Variants in TTC5 observed in about 807,000 individuals in gnomAD.
TTC5 encodes the protein tetratricopeptide repeat protein 5.
In TTC5, 46 loss-of-function variants were observed where a neutral mutation model predicts 57.4. That is an observed-to-expected ratio of 0.80 (90% CI 0.63 to 1.03). The LOEUF (loss-of-function observed/expected upper bound fraction) is 1.03, where lower values mean the gene tolerates loss of function less well. Among genes scored for constraint, TTC5 ranks in the 50% least tolerant of loss-of-function variants. TTC5 has a pLI of 0.00. For missense variants in TTC5, 504 were observed against 528.1 expected (o/e 0.95, Z 0.45); for synonymous variants, 190 against 203.5 (o/e 0.93, Z 0.57).
At chr14:20,299,590 G>A (rs1882140099) in intron 3 of TTC5, 142 bp from the exon 4 acceptor site, 1 of 911,578 alleles carries the variant, frequency 1.1e-6, no homozygotes, top group Non-Finnish European at 1.7e-6. Context: ...GTCTTGCTCT[G>A]TCACCCAGGC....
chr14:20,299,430 A>C lies in TTC5; in HGVS notation c.415T>G (p.Leu139Val), dbSNP rs1411113601. 11 of 1,613,986 alleles carry C rather than the reference A, an allele frequency of 6.8e-6. No homozygotes were observed. The highest frequency in any genetic ancestry group is 9.3e-6 in the Non-Finnish European group (11 of 1,180,026). The change falls in exon 4 of 10, where the codon TTG (leucine) becomes GTG (valine). Residue 139 changes from leucine (L) to valine (V), a missense_variant. Leu to Val is a conservative substitution (Grantham distance 32). Transcript: ENST00000258821. ...ALTHCRNKVS[L>V]QNLSMVLRQL... ...CGAAGCACCATTGACAGGTTTTGCA[A>C]GGAGACTTTGTTCCTGCACTGCAAA... is the stretch of plus-strand genomic sequence containing the variant.
At chr14:20,291,952 G>T (rs183091040) in intron 9 of TTC5, 31 bp downstream of exon 9, 1 of 1,513,408 alleles carries the variant, frequency 6.6e-7, no homozygotes, top group Admixed American at 2.2e-5. Flanking sequence ...TAGAGCCTAC[G>T]AGTTGTAAGA....
chr14:20,289,668 G>C lies in TTC5; in HGVS notation c.1282C>G (p.Gln428Glu), dbSNP rs1881914293. The change falls in exon 10 of 10, where the codon CAG becomes GAG. Residue 428 changes from glutamine to glutamate, a missense_variant. Coordinates refer to ENST00000258821, the MANE Select transcript of TTC5 (RefSeq NM_138376.3). ...VNGKPQGSSSQAVATVASRPQ... is the reference protein window; with the variant it reads ...VNGKPQGSSSEAVATVASRPQ... Reference sequence around the variant, plus strand: ...CGCGATGCCACTGTGGCAACAGCCTGGCTGCTGGATCCCTGAGGCTTCCCA... The same window carrying C: ...CGCGATGCCACTGTGGCAACAGCCTCGCTGCTGGATCCCTGAGGCTTCCCA... 1 of 1,613,896 alleles carries C rather than the reference G, an allele frequency of 6.2e-7. No individual in the cohort carries two copies. The highest frequency in any genetic ancestry group is 8.5e-7 in the Non-Finnish European group (1 of 1,179,836).
chr14:20,300,826 G>C lies in TTC5; in HGVS notation c.185-8C>G. The C allele has an allele frequency of 6.4e-7, 1 of 1,570,212 alleles. No homozygotes were observed. Among genetic ancestry groups the C allele is most frequent in the Non-Finnish European group, 8.6e-7 (1 of 1,161,960 alleles). On this transcript the variant is annotated splice_polypyrimidine_tract_variant and splice_region_variant and intron_variant, in intron 2 of 9. Transcript: ENST00000258821. Reference sequence around the variant, plus strand: ...CCTTGCCCTGGACAGAACCTAAGAGGAAGAAAAAAAGATAAAGTGGGAAAA... The same window carrying C: ...CCTTGCCCTGGACAGAACCTAAGAGCAAGAAAAAAAGATAAAGTGGGAAAA...
intron 5 of TTC5, among the ~76,000 whole-genome samples, chr14:20,297,835 A>C (rs1882097978): frequency 6.6e-6 from 1 of 152,340 alleles, no homozygotes; most frequent in East Asian, 1.9e-4. Flanking sequence ...TGTTGAAGGA[A>C]TATACCACAC....
rs774126146 is a variant in TTC5 at position 20,298,903 on chromosome 14, C to G, written c.548-15G>C. Reference sequence around the variant, plus strand: ...CCCAAGAATATCTGAAAGAGAAACACAGTGACAAATCATCTCAGAGTCCAA... The same window carrying G: ...CCCAAGAATATCTGAAAGAGAAACAGAGTGACAAATCATCTCAGAGTCCAA... On this transcript the variant is annotated splice_polypyrimidine_tract_variant and intron_variant, in intron 4 of 9. Transcript: ENST00000258821. 6.4e-7 allele frequency: 1 copy of G among 1,573,490 alleles called. No homozygotes were observed. Among genetic ancestry groups the G allele is most frequent in the South Asian group, 1.1e-5 (1 of 90,052 alleles).
intron 8 of TTC5, chr14:20,294,448 A>T (rs978180674): frequency 1.3e-5 from 2 of 152,222 alleles, no homozygotes; most frequent in African/African-American, 4.8e-5. Context: ...ACAAACCCCT[A>T]GAAAATGCCA....
At chr14:20,304,189 C>T (rs1026005569) in intron 1 of TTC5, among the ~76,000 whole-genome samples, 1 of 152,168 alleles carries the variant, frequency 6.6e-6, no homozygotes, top group Non-Finnish European at 1.5e-5. Context: ...GGACTTGGGA[C>T]ATGATAGGCT....
chr14:20,291,722 C>T (rs1348569535), intron 9 of TTC5, among the ~76,000 whole-genome samples: 1 of 152,154 alleles, frequency 6.6e-6, no homozygotes, highest in Non-Finnish European at 1.5e-5. Flanking sequence ...ATACACCAAA[C>T]TGTTAACAGT....
chr14:20,300,486 C>CTTCCCTCA, intron 3 of TTC5, 121 bp downstream of exon 3: 1 of 866,696 alleles, frequency 1.2e-6, no homozygotes, highest in Non-Finnish European at 1.7e-6. Flanking sequence ...TTCCTCCCTC[C>CTTCCCTCA]TGATTCTGTC....
chr14:20,303,809 C>G (rs1050857513), intron 1 of TTC5, among the ~76,000 whole-genome samples: 1 of 152,196 alleles, frequency 6.6e-6, no homozygotes, highest in Non-Finnish European at 1.5e-5. Context: ...TCTCACCATT[C>G]TCTCTCCTAC....
At position 20,286,269 on chromosome 14, in the gene TTC5, G is replaced by T. The variant is rs1163796686; in HGVS notation, c.*3358C>A. 1 of 152,074 alleles carries T rather than the reference G, an allele frequency of 6.6e-6. No individual in the cohort carries two copies. Among genetic ancestry groups the T allele is most frequent in the Non-Finnish European group, 1.5e-5 (1 of 68,006 alleles). The allele number at this position is 152,074 out of a possible 1,614,324, so 9.4% of individuals were successfully genotyped here. A position where few individuals can be genotyped will look rare whatever the true frequency, so the allele number is the denominator to read the frequency against. ...TATTTGAAAAACATAATTTATAATG[G>T]ATTAGTATCCAGAACATGTAAGGAA... On this transcript the variant is annotated 3_prime_UTR_variant, in exon 10 of 10. Coordinates refer to ENST00000258821, the MANE Select transcript of TTC5 (RefSeq NM_138376.3).
chr14:20,304,816 GGTTTT>G (rs1232163351), intron 1 of TTC5, among the ~76,000 whole-genome samples: 7 of 152,030 alleles, frequency 4.6e-5, no homozygotes, highest in Admixed American at 4.6e-4. Context: ...TTTATTGTTT[GGTTTT>G]GTTTTCCTCT....
chr14:20,295,546 G>A lies in TTC5; in HGVS notation c.844-20C>T, dbSNP rs527879298. Reference sequence around the variant, plus strand: ...CTTTCCCTGCAAAGAAGGGGAAATAGGTAAGAAGCTGGAAACTAGTCGCCT... The same window carrying A: ...CTTTCCCTGCAAAGAAGGGGAAATAAGTAAGAAGCTGGAAACTAGTCGCCT... On this transcript the variant is annotated intron_variant, in intron 7 of 9. Coordinates refer to ENST00000258821, the MANE Select transcript of TTC5 (RefSeq NM_138376.3). 1.9e-6 allele frequency: 3 copies of A among 1,601,150 alleles called. No individual in the cohort carries two copies. Among genetic ancestry groups the A allele is most frequent in the Non-Finnish European group, 2.6e-6 (3 of 1,171,342 alleles).
intron 1 of TTC5, among the ~76,000 whole-genome samples, chr14:20,303,272 TC>T (rs1282961926): frequency 6.6e-6 from 1 of 151,714 alleles, no homozygotes; most frequent in Non-Finnish European, 1.5e-5. Context: ...CACCTCAGCC[TC>T]CCAAAGTGCT....
chr14:20,295,468 A>T lies in TTC5; in HGVS notation c.902T>A (p.Leu301Gln). 6.2e-7 allele frequency: 1 copy of T among 1,614,152 alleles called. No individual in the cohort carries two copies. The highest frequency in any genetic ancestry group is 1.3e-5 in the African/African-American group (1 of 75,054). Residue 301 changes from leucine to glutamine, a missense_variant, in exon 8 of 10, where the codon CTA becomes CAA. Leu to Gln is a moderately radical substitution (Grantham distance 113). Transcript: ENST00000258821. Reference sequence around the variant, plus strand: ...ATAGTGCCCATCACTGCAAGGGCCTAGATGGGCTGGGCGCAAGCTTCCCAG... The same window carrying T: ...ATAGTGCCCATCACTGCAAGGGCCTTGATGGGCTGGGCGCAAGCTTCCCAG... Reference protein sequence around the residue: ...SMLGSLRPAHLGPCSDGHYQS... With the variant: ...SMLGSLRPAHQGPCSDGHYQS...
intron 6 of TTC5, 145 bp from the exon 7 acceptor site, chr14:20,295,999 G>T: frequency 1.3e-6 from 1 of 757,760 alleles, no homozygotes; most frequent in Non-Finnish European, 2.0e-6. Flanking sequence ...TGAAGAGCTG[G>T]TAACACCTTA....
At chr14:20,301,308 G>A (rs1882185575) in intron 2 of TTC5, among the ~76,000 whole-genome samples, 1 of 152,230 alleles carries the variant, frequency 6.6e-6, no homozygotes, top group African/African-American at 2.4e-5. Context: ...ATGTGGCCAT[G>A]TTCATGGGAG....
intron 3 of TTC5, among the ~76,000 whole-genome samples, chr14:20,300,143 G>GCATATATATATATA (rs1882152643): frequency 3.7e-5 from 1 of 27,148 alleles, no homozygotes; most frequent in Non-Finnish European, 8.4e-5. Context: ...TCTGGTCCAT[G>GCATATATATATATA]TATATATATA....
Sources: allele counts gnomAD v4.1 joint callset (sites outside exome capture counted in the v4.1 genomes callset), GRCh38; gene constraint gnomAD v4.1.1; transcripts MANE v1.5; gene names NCBI Gene and HGNC (gene_info 2026-07-23, HGNC 2026-07-21).